The following PDE4D variants were observed in gnomAD, a reference collection of about 807,000 sequenced individuals.
PDE4D encodes phosphodiesterase 4D.
PDE4D carries 24 observed loss-of-function variants against 87.4 expected under a neutral mutation model. The observed-to-expected ratio is 0.27, with a 90% CI of 0.20 to 0.39. The LOEUF (loss-of-function observed/expected upper bound fraction) is 0.39, where lower values mean the gene tolerates loss of function less well. PDE4D is among the 10% of genes least tolerant of loss of function. The probability of loss-of-function intolerance (pLI) is 1.00; values close to 1 mark genes in which losing one functional copy is unlikely to be tolerated. For synonymous variants in PDE4D, 384 were observed against 383.2 expected (o/e 1.00, Z -0.02); for missense variants, 714 against 1,041.0 (o/e 0.69, Z 4.32).
intron 5 of PDE4D, among the ~76,000 whole-genome samples, chr5:59,049,958 G>A (rs568451994): frequency 6.6e-6 from 1 of 152,262 alleles, no homozygotes; most frequent in East Asian, 1.9e-4. Context: ...TCCAGTTGAA[G>A]ACTGGGATTA....
At position 59,226,703 on chromosome 5, in the gene PDE4D, T is replaced by A. The variant is rs574207396; in HGVS notation, c.456-10735A>T. 3.3e-5 allele frequency among the ~76,000 whole-genome samples: 5 copies of A among 152,322 alleles called. No homozygotes were observed. The East Asian group carries it at 9.7e-4, about 29-fold the overall frequency. On this transcript the variant is annotated intron_variant, in intron 1 of 14. Transcript: ENST00000340635. ...AAAAGGATCTCAAATGGCCCTAACA[T>A]GAGGCCATGGTATTTGGACTCTTGA...
intron 2 of PDE4D, among the ~76,000 whole-genome samples, chr5:60,092,519 G>T (rs1435982541): frequency 6.6e-6 from 1 of 151,860 alleles, no homozygotes. Flanking sequence ...ATTACACATT[G>T]TATACATGTA....
intron 1 of PDE4D, among the ~76,000 whole-genome samples, chr5:60,260,965 G>A (rs558679640): frequency 1.6e-3 from 248 of 152,132 alleles, no homozygotes; most frequent in African/African-American, 5.6e-3. Context: ...TGGCCATCCT[G>A]TTTATATGCC....
chr5:59,403,774 G>A (rs1791115273), intron 1 of PDE4D, among the ~76,000 whole-genome samples: 1 of 152,082 alleles, frequency 6.6e-6, no homozygotes, highest in Non-Finnish European at 1.5e-5. Flanking sequence ...AAATATGGAA[G>A]TGCAGATATA....
intron 2 of PDE4D, among the ~76,000 whole-genome samples, chr5:60,034,973 C>T (rs1340441194): frequency 6.6e-6 from 1 of 152,092 alleles, no homozygotes; most frequent in African/African-American, 2.4e-5. Flanking sequence ...AATGTGCATG[C>T]AGCAGGGTGC....
At chr5:59,451,636 T>A (rs1444867230) in intron 1 of PDE4D, among the ~76,000 whole-genome samples, 1 of 152,198 alleles carries the variant, frequency 6.6e-6, no homozygotes, top group Non-Finnish European at 1.5e-5. Flanking sequence ...AGTCTCTCAA[T>A]TACCAAGACA....
intron 1 of PDE4D, among the ~76,000 whole-genome samples, chr5:59,582,347 G>C (rs1583212754): frequency 6.6e-6 from 1 of 152,064 alleles, no homozygotes; most frequent in African/African-American, 2.4e-5. Flanking sequence ...ACATACTCTG[G>C]AAAATGCACT....
At chr5:59,769,216 A>G (rs1763199790) in intron 1 of PDE4D, among the ~76,000 whole-genome samples, 1 of 152,174 alleles carries the variant, frequency 6.6e-6, no homozygotes, top group Admixed American at 6.5e-5. Context: ...CTCTGTCTCT[A>G]GTTAGAACCC....
At chr5:60,068,831 A>C (rs950148119) in intron 2 of PDE4D, among the ~76,000 whole-genome samples, 2 of 152,112 alleles carry the variant, frequency 1.3e-5, no homozygotes, top group African/African-American at 4.8e-5. Context: ...CGAACTCCTG[A>C]GCTCAAACAA....
At chr5:59,021,041 A>G (rs1402453909) in intron 6 of PDE4D, among the ~76,000 whole-genome samples, 4 of 152,122 alleles carry the variant, frequency 2.6e-5, no homozygotes, top group Non-Finnish European at 5.9e-5. Context: ...AACACTTGAA[A>G]CTTCTGTTAA....
chr5:59,601,078 C>G (rs1326534223), intron 1 of PDE4D, among the ~76,000 whole-genome samples: 4 of 152,094 alleles, frequency 2.6e-5, no homozygotes, highest in Non-Finnish European at 4.4e-5. Context: ...ACTGTTCCAT[C>G]CTATGATGTG....
At chr5:59,125,249 C>T (rs973906024) in intron 5 of PDE4D, 2 of 983,158 alleles carry the variant, frequency 2.0e-6, no homozygotes, top group Admixed American at 6.1e-5. Flanking sequence ...TGCTTCTTCC[C>T]TATGAAGTAC....
At chr5:60,135,120 G>A (rs1459824470) in intron 2 of PDE4D, among the ~76,000 whole-genome samples, 1 of 152,120 alleles carries the variant, frequency 6.6e-6, no homozygotes, top group Non-Finnish European at 1.5e-5. Flanking sequence ...TTTGAGATGG[G>A]GCACTTGAGA....
chr5:60,416,240 G>A (rs942173509), intron 1 of PDE4D, among the ~76,000 whole-genome samples: 1 of 152,202 alleles, frequency 6.6e-6, no homozygotes. Flanking sequence ...TCAGCTCTCT[G>A]TAAAATGGAC....
At chr5:59,455,671 TGACAGTTTGC>T (rs1379236174) in intron 1 of PDE4D, among the ~76,000 whole-genome samples, 1 of 152,176 alleles carries the variant, frequency 6.6e-6, no homozygotes, top group East Asian at 1.9e-4. Context: ...GTAGGTCCAC[TGACAGTTTGC>T]GCCATGTGTG....
At chr5:60,230,618 G>C (rs1745694256) in intron 1 of PDE4D, among the ~76,000 whole-genome samples, 1 of 151,976 alleles carries the variant, frequency 6.6e-6, no homozygotes, top group Non-Finnish European at 1.5e-5. Context: ...GGAGAAGCTG[G>C]GCCTTCTTTC....
intron 2 of PDE4D, among the ~76,000 whole-genome samples, chr5:60,150,942 T>C (rs943846302): frequency 6.6e-6 from 1 of 152,226 alleles, no homozygotes; most frequent in Admixed American, 6.5e-5. Context: ...ATGGCTCATA[T>C]AGACACTTTG....
At chr5:60,288,452 T>C (rs569459589) in intron 1 of PDE4D, among the ~76,000 whole-genome samples, 1 of 152,300 alleles carries the variant, frequency 6.6e-6, no homozygotes, top group South Asian at 2.1e-4. Flanking sequence ...GTCTTTCCCA[T>C]CTTTACAAAT....
At chr5:59,348,623 C>CTTTTTT (rs5868176) in intron 1 of PDE4D, among the ~76,000 whole-genome samples, 4 of 130,056 alleles carry the variant, frequency 3.1e-5, no homozygotes, top group Non-Finnish European at 6.4e-5. Flanking sequence ...CACTTCAAAG[C>CTTTTTT]TTTTTTTTTT....
Sources: gnomAD v4.1 joint callset for allele counts (sites outside exome capture counted in the v4.1 genomes callset) on GRCh38, gnomAD v4.1.1 for gene constraint, MANE v1.5 for transcripts, NCBI Gene and HGNC (gene_info 2026-07-23, HGNC 2026-07-21) for gene names.